The following ELF2 variants were observed in gnomAD, a reference collection of about 807,000 sequenced individuals.
ELF2 encodes E74 like ETS transcription factor 2, also known as ETS-related transcription factor Elf-2.
In ELF2, 11 loss-of-function variants were observed where a neutral mutation model predicts 54.8. That is an observed-to-expected ratio of 0.20 (90% confidence interval 0.13 to 0.33). The LOEUF is 0.33. Among genes scored for constraint, ELF2 ranks in the 10% least tolerant of loss-of-function variants. The pLI is 1.00. For synonymous variants in ELF2, 203 were observed against 245.1 expected, an observed-to-expected ratio of 0.83 and a Z score of 1.61; for missense variants, 513 against 703.0, an observed-to-expected ratio of 0.73 and a Z score of 3.06.
At chr4:139,151,032 A>AGAAAGAAAGAAAG (rs1553971300) in intron 1 of ELF2, among the ~76,000 whole-genome samples, 2 of 102,510 alleles carry the variant, frequency 2.0e-5, no homozygotes, top group African/African-American at 5.1e-5. Flanking sequence ...TCAAAAAAAA[A>AGAAAGAAAGAAAG]AAAGAAAGAA....
chr4:139,084,477 C>T, intron 4 of ELF2: 4 of 1,011,104 alleles, frequency 4.0e-6, no homozygotes, highest in Non-Finnish European at 3.6e-6. Context: ...GCTGTGGCGG[C>T]CGCCGCAGCT....
intron 1 of ELF2, among the ~76,000 whole-genome samples, chr4:139,146,692 C>G (rs559077045): frequency 1.5e-4 from 23 of 152,086 alleles, no homozygotes; most frequent in Non-Finnish European, 2.9e-4. Context: ...ACCAATGGAA[C>G]AGATTAAAGA....
At chr4:139,107,164 A>G (rs1023405418) in intron 4 of ELF2, among the ~76,000 whole-genome samples, 11 of 152,254 alleles carry the variant, frequency 7.2e-5, no homozygotes, top group Non-Finnish European at 1.3e-4. Flanking sequence ...AAAAAGGTTC[A>G]TGACACAAAA....
chr4:139,116,839 A>G (rs1735769373), intron 4 of ELF2: 2 of 500,716 alleles, frequency 4.0e-6, no homozygotes, highest in Admixed American at 1.3e-4. Flanking sequence ...AAGTTATGAC[A>G]GCTCATCATG....
chr4:139,114,561 T>TCCAGTCTCTCACACACACACACA (rs70940492), intron 4 of ELF2, among the ~76,000 whole-genome samples: 3 of 108,646 alleles, frequency 2.8e-5, no homozygotes, highest in East Asian at 3.3e-4. Context: ...GACTTCAGTC[T>TCCAGTCTCTCACACACACACACA]CACACACACA....
chr4:139,084,966 G>A lies in ELF2; in HGVS notation c.239-11399C>T, dbSNP rs1731809107. The stretch of plus-strand genomic sequence containing the variant: ...AGAAGTGTCAAAGAGCACATTAAAC[G>A]GGTATTTAGTAAACAGAACACACCA... On this transcript the variant is annotated intron_variant, in intron 4 of 9. Transcript: ENST00000686138. Among the ~76,000 whole-genome samples the A allele has an allele frequency of 2.0e-5, 3 of 152,240 alleles. No individual in the cohort carries two copies. In the South Asian group the frequency reaches 6.2e-4, roughly 32 times the overall value.
intron 1 of ELF2, among the ~76,000 whole-genome samples, chr4:139,151,096 A>AAAGAGAGAGAGAAAGAAAGAAAG (rs1560871880): frequency 1.0e-4 from 13 of 128,190 alleles, no homozygotes; most frequent in African/African-American, 4.2e-4. Flanking sequence ...AAGAAAGAAA[A>AAAGAGAGAGAGAAAGAAAGAAAG]AGAGAGCTAT....
chr4:139,123,671 C>T (rs918617080), intron 4 of ELF2, among the ~76,000 whole-genome samples: 1 of 152,178 alleles, frequency 6.6e-6, no homozygotes, highest in Non-Finnish European at 1.5e-5. Context: ...AAGTTTCCAA[C>T]TTGCTATCAA....
intron 1 of ELF2, among the ~76,000 whole-genome samples, chr4:139,144,837 C>T (rs1431919694): frequency 1.3e-5 from 2 of 152,212 alleles, no homozygotes; most frequent in Non-Finnish European, 2.9e-5. Flanking sequence ...TGTGCTTACA[C>T]CACACATGCA....
In ELF2 at chr4:139,059,246, C is replaced by T. The variant is rs752136573; in HGVS notation, c.1519G>A (p.Val507Ile). Residue 507 changes from valine (V) to isoleucine (I), a missense_variant, in exon 10 of 10, where the codon GTA (valine) becomes ATA (isoleucine). This residue lies in a region of ELF2 where 291 missense variants were observed against 366.1 expected (regional missense o/e 0.79). Coordinates refer to ENST00000686138, the MANE Select transcript of ELF2 (RefSeq NM_001331036.3). ...TGAGTAGGCATTGATAGTCTCATTA[C>T]AGGTGTACCATGGGCTATTGAAACA... ...TPVSIAHGTPVMRLSMPTQQA... is the reference protein window; with the variant it reads ...TPVSIAHGTPIMRLSMPTQQA... 2 of 1,613,914 alleles carry T rather than the reference C, an allele frequency of 1.2e-6. No homozygotes were observed. The highest frequency in any genetic ancestry group is 2.2e-5 in the East Asian group (1 of 44,886).
At chr4:139,086,529 T>C (rs1025677490) in intron 4 of ELF2, among the ~76,000 whole-genome samples, 3 of 152,240 alleles carry the variant, frequency 2.0e-5, no homozygotes, top group Non-Finnish European at 4.4e-5. Flanking sequence ...AGTCAGGTTT[T>C]ATAAAATATT....
chr4:139,133,412 CAT>C (rs1313008568), intron 3 of ELF2, among the ~76,000 whole-genome samples: 1 of 152,152 alleles, frequency 6.6e-6, no homozygotes, highest in Admixed American at 6.5e-5. Context: ...CATTGATCTA[CAT>C]GTCTGTTGGC....
intron 1 of ELF2, among the ~76,000 whole-genome samples, chr4:139,141,777 G>A (rs1738726122): frequency 1.3e-5 from 2 of 152,072 alleles, no homozygotes; most frequent in Non-Finnish European, 2.9e-5. Context: ...GTGTTTCCAG[G>A]ATCCCATCCC....
Position 139,067,783 on chromosome 4 carries a change from G to C in ELF2, c.527-13C>G. ...GGTTTACGGCCAACTGAAAAAATAAGATATTGAAACCATACGTTGAAAACA... is the reference window on the plus strand; with the variant it reads ...GGTTTACGGCCAACTGAAAAAATAACATATTGAAACCATACGTTGAAAACA... On this transcript the variant is annotated splice_polypyrimidine_tract_variant and intron_variant, in intron 6 of 9. Coordinates refer to ENST00000686138, the MANE Select transcript of ELF2 (RefSeq NM_001331036.3). The C allele has an allele frequency of 6.4e-7, 1 of 1,573,876 alleles. No homozygotes were observed. The highest frequency in any genetic ancestry group is 8.7e-7 in the Non-Finnish European group (1 of 1,154,950).
In ELF2 at chr4:139,072,043, T is replaced by C; in HGVS notation, c.353-4A>G. 1.2e-6 allele frequency: 2 copies of C among 1,604,136 alleles called. No individual in the cohort carries two copies. Among genetic ancestry groups the C allele is most frequent in the South Asian group, 2.2e-5 (2 of 89,176 alleles). ...CAAGGAGGAACAAACACTTCCACTA[T>C]AAAAAAAAGTTGAAAAATTAAAATT... On this transcript the variant is annotated splice_region_variant and splice_polypyrimidine_tract_variant and intron_variant, in intron 5 of 9. Coordinates refer to ENST00000686138, the MANE Select transcript of ELF2 (RefSeq NM_001331036.3).
At chr4:139,165,603 C>T (rs1352951964) in intron 1 of ELF2, among the ~76,000 whole-genome samples, 1 of 152,062 alleles carries the variant, frequency 6.6e-6, no homozygotes, top group Non-Finnish European at 1.5e-5. Flanking sequence ...GCAGAGGTTA[C>T]AGTAAGCTGA....
chr4:139,080,853 A>G (rs1731005422), intron 4 of ELF2, among the ~76,000 whole-genome samples: 1 of 151,870 alleles, frequency 6.6e-6, no homozygotes, highest in Admixed American at 6.6e-5. Flanking sequence ...TTTGGCACAC[A>G]TTTTTATTTT....
Position 139,059,333 on chromosome 4 carries a change from G to T in ELF2, c.1432C>A (p.Leu478Met). ...ATGTTAATGCTTCCTGATCCAGTCA[G>T]ATTTGACTTTGTCTGCAGTTGACAC... Reference protein sequence around the residue: ...AQCQLQTKSNLTGSGSINIVG... With the variant: ...AQCQLQTKSNMTGSGSINIVG... The change falls in exon 10 of 10, where the codon CTG (leucine) becomes ATG (methionine). Residue 478 changes from leucine (L) to methionine (M), a missense_variant. By Grantham distance (15) the Leu-to-Met change is conservative (BLOSUM62 2). This residue lies in a region of ELF2 where 291 missense variants were observed against 366.1 expected (regional missense o/e 0.79). Transcript: ENST00000686138. The T allele has an allele frequency of 6.2e-7, 1 of 1,613,976 alleles. No homozygotes were observed. The highest frequency in any genetic ancestry group is 8.5e-7 in the Non-Finnish European group (1 of 1,179,860).
intron 4 of ELF2, chr4:139,115,394 TGCGCGCATCG>T (rs1489576697): frequency 9.9e-7 from 1 of 1,011,112 alleles, no homozygotes; most frequent in Non-Finnish European, 1.2e-6. Context: ...CGGGGCCACG[TGCGCGCATCG>T]GGCCCCTCCC....
Sources: allele counts gnomAD v4.1 joint callset (sites outside exome capture counted in the v4.1 genomes callset), GRCh38; gene constraint gnomAD v4.1.1; regional missense constraint gnomAD v4.1.1; transcripts MANE v1.5; gene names NCBI Gene and HGNC (gene_info 2026-07-23, HGNC 2026-07-21).